CHID1: variants seen among roughly 807,000 people sequenced by gnomAD.
CHID1 encodes the protein chitinase domain-containing protein 1.
Under a neutral mutation model 55.4 loss-of-function variants are expected in CHID1, and 44 were observed. That is an observed-to-expected ratio of 0.79 (90% CI 0.62 to 1.02). CHID1 has a LOEUF of 1.02. Ranked by LOEUF, CHID1 falls within the 50% of genes least tolerant of loss-of-function variation. The pLI, the probability that CHID1 is intolerant of heterozygous loss-of-function variation, is 0.00. For missense variants in CHID1, 491 were observed against 515.3 expected, an observed-to-expected ratio of 0.95 and a Z score of 0.46; for synonymous variants, 216 against 212.9, an observed-to-expected ratio of 1.01 and a Z score of -0.13.
intron 7 of CHID1, among the ~76,000 whole-genome samples, chr11:897,222 A>T (rs1589878206): frequency 9.6e-6 from 1 of 104,540 alleles, no homozygotes; most frequent in South Asian, 3.2e-4. Context: ...CCTCCACCCC[A>T]GACACGAGCC....
At chr11:893,794 A>G (rs1851031746) in intron 7 of CHID1, among the ~76,000 whole-genome samples, 1 of 151,794 alleles carries the variant, frequency 6.6e-6, no homozygotes. Flanking sequence ...AGACAGCCCC[A>G]CGTGTGTACA....
At chr11:881,259 C>T (rs1028490671) in intron 10 of CHID1, among the ~76,000 whole-genome samples, 1 of 152,042 alleles carries the variant, frequency 6.6e-6, no homozygotes, top group African/African-American at 2.4e-5. Flanking sequence ...GCCTGGACCA[C>T]ATAGTGAGAC....
At chr11:895,720 C>T (rs889048927) in intron 7 of CHID1, among the ~76,000 whole-genome samples, 5 of 152,178 alleles carry the variant, frequency 3.3e-5, no homozygotes, top group Non-Finnish European at 7.4e-5. Flanking sequence ...ACCTGCTGAG[C>T]CCAGTCTCGG....
intron 2 of CHID1, among the ~76,000 whole-genome samples, chr11:903,977 C>A (rs548876306): frequency 1.1e-4 from 16 of 152,230 alleles, no homozygotes; most frequent in African/African-American, 3.9e-4. Flanking sequence ...CTGCCTGCCA[C>A]CCCCCTGGCC....
chr11:886,801 G>C (rs932718699), intron 8 of CHID1, among the ~76,000 whole-genome samples: 2 of 152,200 alleles, frequency 1.3e-5, no homozygotes, highest in African/African-American at 2.4e-5. Context: ...CATCGCTCAG[G>C]TCCTGGCGGC....
upstream of CHID1, among the ~76,000 whole-genome samples, chr11:913,146 C>G (rs1852787339): frequency 6.7e-6 from 1 of 148,566 alleles, no homozygotes; most frequent in African/African-American, 2.5e-5. Context: ...AAATTGCCCC[C>G]CCCCGCAAAA....
intron 7 of CHID1, among the ~76,000 whole-genome samples, chr11:898,183 A>C (rs1851520885): frequency 6.6e-6 from 1 of 152,154 alleles, no homozygotes; most frequent in Non-Finnish European, 1.5e-5. Context: ...TCCCTCCCTC[A>C]AGCTTAAGAT....
At chr11:888,768 C>A (rs1348134877) in intron 8 of CHID1, among the ~76,000 whole-genome samples, 1 of 151,438 alleles carries the variant, frequency 6.6e-6, no homozygotes, top group South Asian at 2.1e-4. Flanking sequence ...TCGACTGGAC[C>A]CCGGGCCCAC....
At chr11:904,674 A>C (rs1190883147) in intron 2 of CHID1, 32 bp downstream of exon 2, 1 of 1,613,172 alleles carries the variant, frequency 6.2e-7, no homozygotes, top group South Asian at 1.1e-5. Context: ...CTCAGCCAGT[A>C]CAGTCACCTC....
intron 10 of CHID1, among the ~76,000 whole-genome samples, chr11:872,668 T>G (rs1849255445): frequency 6.6e-6 from 1 of 152,208 alleles, no homozygotes; most frequent in South Asian, 2.1e-4. Flanking sequence ...AGCTCTAAAA[T>G]TACTGCATTA....
chr11:872,694 C>T (rs1049517909), intron 10 of CHID1, among the ~76,000 whole-genome samples: 4 of 152,266 alleles, frequency 2.6e-5, no homozygotes, highest in Non-Finnish European at 5.9e-5. Context: ...AACTGAAACA[C>T]CACTCAAGGT....
intron 4 of CHID1, 93 bp downstream of exon 4, chr11:902,105 G>A: frequency 6.8e-7 from 1 of 1,471,820 alleles, no homozygotes; most frequent in South Asian, 1.2e-5. Flanking sequence ...CACCCACAGA[G>A]ACATACCTAC....
intron 4 of CHID1, 71 bp from the exon 5 acceptor site, chr11:901,051 G>T: frequency 7.0e-7 from 1 of 1,427,586 alleles, no homozygotes; most frequent in Non-Finnish European, 9.6e-7. Context: ...TACCTGAGGA[G>T]GAAAACGTGG....
At chr11:871,741 C>G (rs1849188248) in intron 10 of CHID1, among the ~76,000 whole-genome samples, 1 of 152,200 alleles carries the variant, frequency 6.6e-6, no homozygotes, top group African/African-American at 2.4e-5. Flanking sequence ...GGGACCTGGG[C>G]CGTGTGGCAT....
At chr11:901,747 G>C (rs554652926) in intron 4 of CHID1, among the ~76,000 whole-genome samples, 70 of 152,244 alleles carry the variant, frequency 4.6e-4, no homozygotes, top group African/African-American at 1.5e-3. Flanking sequence ...GACCTGGGCG[G>C]AACACTCTGA....
At chr11:874,395 G>A (rs1239534207) in intron 10 of CHID1, among the ~76,000 whole-genome samples, 1 of 152,162 alleles carries the variant, frequency 6.6e-6, no homozygotes, top group Non-Finnish European at 1.5e-5. Context: ...CCTGGGAGGT[G>A]GAGGCTACAG....
intron 2 of CHID1, chr11:903,650 G>A (rs1035795922): frequency 1.9e-5 from 4 of 208,022 alleles, no homozygotes; most frequent in South Asian, 1.7e-4. Context: ...GCATGGTGGC[G>A]GGCACCTGTA....
chr11:893,837 T>TAAAA (rs879432811), intron 7 of CHID1, among the ~76,000 whole-genome samples: 3 of 138,954 alleles, frequency 2.2e-5, no homozygotes, highest in African/African-American at 8.0e-5. Flanking sequence ...CATGGCAGAT[T>TAAAA]AAAAAAAAAA....
At chr11:910,291 G>A (rs867036198) in intron 1 of CHID1, among the ~76,000 whole-genome samples, 2 of 152,254 alleles carry the variant, frequency 1.3e-5, no homozygotes, top group Middle Eastern at 6.8e-3. Flanking sequence ...CCCTCACTGG[G>A]AGGGCAGCCC....
Sources: allele counts gnomAD v4.1 joint callset (sites outside exome capture counted in the v4.1 genomes callset), GRCh38; gene constraint gnomAD v4.1.1; transcripts MANE v1.5; gene names NCBI Gene and HGNC (gene_info 2026-07-23, HGNC 2026-07-21).